The following LIN28B variants were observed in gnomAD, a reference collection of about 807,000 sequenced individuals.
LIN28B encodes the protein protein lin-28 homolog B.
In LIN28B, 5 loss-of-function variants were observed where a neutral mutation model predicts 21.9. That is an observed-to-expected ratio of 0.23 (90% confidence interval 0.12 to 0.48). LIN28B has a LOEUF of 0.48. Among genes scored for constraint, LIN28B ranks in the 20% least tolerant of loss-of-function variants. The pLI is 0.98. For missense variants in LIN28B, 245 were observed against 310.5 expected (o/e 0.79, Z 1.58); for synonymous variants, 109 against 111.3 (o/e 0.98, Z 0.13).
intron 2 of LIN28B, among the ~76,000 whole-genome samples, chr6:104,949,780 G>A (rs1447539634): frequency 6.6e-6 from 1 of 152,054 alleles, no homozygotes; most frequent in East Asian, 1.9e-4. Flanking sequence ...TTTATTGCAA[G>A]TTTTATTGTG....
At chr6:104,994,294 G>A (rs765477577) in intron 2 of LIN28B, among the ~76,000 whole-genome samples, 15 of 152,172 alleles carry the variant, frequency 9.9e-5, no homozygotes, top group East Asian at 1.9e-4. Flanking sequence ...GTGAGCCACC[G>A]CGCCTGACCG....
At chr6:104,994,109 A>T (rs1770550566) in intron 2 of LIN28B, among the ~76,000 whole-genome samples, 1 of 152,054 alleles carries the variant, frequency 6.6e-6, no homozygotes, top group Admixed American at 6.5e-5. Flanking sequence ...GGTTCATGCC[A>T]TTCTCCTGCC....
At chr6:104,979,636 C>G (rs1770179249) in intron 2 of LIN28B, among the ~76,000 whole-genome samples, 1 of 150,206 alleles carries the variant, frequency 6.7e-6, no homozygotes, top group Non-Finnish European at 1.5e-5. Context: ...ATGCTATTAG[C>G]TTAAGACTTT....
chr6:104,965,759 TTAA>T, intron 2 of LIN28B, among the ~76,000 whole-genome samples: 2 of 152,322 alleles, frequency 1.3e-5, no homozygotes, highest in Middle Eastern at 3.4e-3. Flanking sequence ...TATTTTGGTT[TTAA>T]TAATTGTTGT....
Position 105,009,584 on chromosome 6 carries a change from G to A in LIN28B, c.199-16714G>A, listed in dbSNP as rs189835669. Among the ~76,000 whole-genome samples, 485 of 152,256 alleles carry A rather than the reference G, an allele frequency of 3.2e-3. 3 individuals are homozygous for A. The highest frequency in any genetic ancestry group is 0.011 in the African/African-American group (474 of 41,558). Reference sequence around the variant, plus strand: ...CTAAAAGAAAAGTAGACACACTTTTGTTGATTCATTTTCTATACTACCTGT... The same window carrying A: ...CTAAAAGAAAAGTAGACACACTTTTATTGATTCATTTTCTATACTACCTGT... On this transcript the variant is annotated intron_variant, in intron 2 of 3. Transcript: ENST00000345080.
chr6:105,060,599 C>G (rs1772106595), intron 3 of LIN28B, among the ~76,000 whole-genome samples: 1 of 152,188 alleles, frequency 6.6e-6, no homozygotes, highest in Admixed American at 6.6e-5. Context: ...CAGGAATCTA[C>G]TCCCAAATAG....
chr6:105,010,361 T>C (rs1770898282), intron 2 of LIN28B, among the ~76,000 whole-genome samples: 1 of 138,472 alleles, frequency 7.2e-6, no homozygotes, highest in African/African-American at 2.8e-5. Context: ...AGACCCTGAC[T>C]CAAAAAAAAA....
At chr6:105,074,322 C>T (rs140596709) in intron 3 of LIN28B, among the ~76,000 whole-genome samples, 108 of 152,122 alleles carry the variant, frequency 7.1e-4, no homozygotes, top group African/African-American at 2.5e-3. Context: ...CTCAGCCTCC[C>T]AAGTAGCTGG....
chr6:104,958,415 C>CG (rs1769627809), intron 2 of LIN28B, 129 bp downstream of exon 2: 4 of 661,596 alleles, frequency 6.0e-6, no homozygotes, highest in Non-Finnish European at 9.7e-6. Context: ...CCTGAAATCA[C>CG]TAGGTAGTCC....
At chr6:104,980,783 A>G (rs1770203592) in intron 2 of LIN28B, among the ~76,000 whole-genome samples, 1 of 151,974 alleles carries the variant, frequency 6.6e-6, no homozygotes, top group Admixed American at 6.6e-5. Context: ...GACTGAATTA[A>G]CCTTTTCATA....
At chr6:105,025,020 A>G (rs1771260719) in intron 2 of LIN28B, among the ~76,000 whole-genome samples, 1 of 152,196 alleles carries the variant, frequency 6.6e-6, no homozygotes. Context: ...TCTCTCACAG[A>G]GAAACAACAT....
intron 3 of LIN28B, among the ~76,000 whole-genome samples, chr6:105,050,369 G>A (rs183068435): frequency 1.7e-3 from 263 of 152,006 alleles, no homozygotes; most frequent in African/African-American, 5.9e-3. Flanking sequence ...TTGGGAGGCC[G>A]AGGCGGGTGG....
intron 2 of LIN28B, among the ~76,000 whole-genome samples, chr6:105,011,241 G>C (rs1435430575): frequency 1.3e-5 from 2 of 152,140 alleles, no homozygotes; most frequent in Admixed American, 1.3e-4. Flanking sequence ...CCAAGCTGGA[G>C]TGCAGTGGCA....
At chr6:105,053,962 T>A (rs1399990690) in intron 3 of LIN28B, among the ~76,000 whole-genome samples, 1 of 152,208 alleles carries the variant, frequency 6.6e-6, no homozygotes, top group Non-Finnish European at 1.5e-5. Flanking sequence ...CACACTGGTC[T>A]CAAACACCTG....
intron 2 of LIN28B, among the ~76,000 whole-genome samples, chr6:104,947,616 TAGC>T (rs1416396566): frequency 2.0e-5 from 3 of 151,952 alleles, no homozygotes; most frequent in African/African-American, 7.2e-5. Flanking sequence ...GGCACTCCTA[TAGC>T]AGTAAATCAT....
At chr6:105,054,577 A>G (rs1400887156) in intron 3 of LIN28B, among the ~76,000 whole-genome samples, 1 of 152,232 alleles carries the variant, frequency 6.6e-6, no homozygotes, top group Non-Finnish European at 1.5e-5. Context: ...ATTAGGGGAT[A>G]ATGAAAATAA....
intron 2 of LIN28B, among the ~76,000 whole-genome samples, chr6:104,998,790 G>A (rs1276089091): frequency 6.6e-6 from 1 of 152,110 alleles, no homozygotes; most frequent in Non-Finnish European, 1.5e-5. Context: ...ACTAAAGTGA[G>A]TAAATTATGT....
At chr6:105,019,546 C>T (rs957742990) in intron 2 of LIN28B, among the ~76,000 whole-genome samples, 17 of 152,144 alleles carry the variant, frequency 1.1e-4, no homozygotes, top group Non-Finnish European at 2.5e-4. Flanking sequence ...GGAATCTGGT[C>T]CTTACACAAA....
chr6:104,961,969 A>G (rs1451551643), intron 2 of LIN28B, among the ~76,000 whole-genome samples: 1 of 152,194 alleles, frequency 6.6e-6, no homozygotes, highest in African/African-American at 2.4e-5. Flanking sequence ...CGTTAACCTA[A>G]TAACTACCTG....
Sources: allele counts gnomAD v4.1 joint callset (sites outside exome capture counted in the v4.1 genomes callset), GRCh38; gene constraint gnomAD v4.1.1; transcripts MANE v1.5; gene names NCBI Gene and HGNC (gene_info 2026-07-23, HGNC 2026-07-21).